RBFOX1: variants seen among roughly 807,000 people sequenced by gnomAD.
RBFOX1 encodes RNA binding protein fox-1 homolog 1.
A neutral mutation model predicts 57.7 loss-of-function variants in RBFOX1; 8 were observed. The observed-to-expected ratio is 0.14, with a 90% CI of 0.08 to 0.25. The LOEUF is 0.25. RBFOX1 is among the 10% of genes least tolerant of loss of function. The pLI is 1.00. For synonymous variants in RBFOX1, 326 were observed against 222.4 expected, an observed-to-expected ratio of 1.47 and a Z score of -4.15; for missense variants, 611 against 548.5, an observed-to-expected ratio of 1.11 and a Z score of -1.14.
intron 3 of RBFOX1, among the ~76,000 whole-genome samples, chr16:6,794,231 T>C (rs2083501852): frequency 6.6e-6 from 1 of 151,620 alleles, no homozygotes; most frequent in Non-Finnish European, 1.5e-5. Context: ...TTAGGTCCTC[T>C]CAGAGCTCTT....
At chr16:5,516,935 C>G (rs2043813461) in intron 2 of RBFOX1, among the ~76,000 whole-genome samples, 1 of 151,830 alleles carries the variant, frequency 6.6e-6, no homozygotes, top group Non-Finnish European at 1.5e-5. Flanking sequence ...TCCCCAGTCT[C>G]AGGTATTTCT....
At chr16:7,115,614 G>C (rs752063716) in intron 4 of RBFOX1, among the ~76,000 whole-genome samples, 1 of 152,186 alleles carries the variant, frequency 6.6e-6, no homozygotes, top group Non-Finnish European at 1.5e-5. Flanking sequence ...CCTCTGGAAA[G>C]GTGTCTTGGG....
At chr16:6,441,156 G>T (rs1038886860) in intron 2 of RBFOX1, among the ~76,000 whole-genome samples, 3 of 152,152 alleles carry the variant, frequency 2.0e-5, no homozygotes, top group African/African-American at 7.2e-5. Flanking sequence ...GCCCTGGGGG[G>T]TGGTGAGTGG....
intron 3 of RBFOX1, among the ~76,000 whole-genome samples, chr16:6,825,646 C>A (rs901105184): frequency 6.6e-6 from 1 of 152,132 alleles, no homozygotes; most frequent in Non-Finnish European, 1.5e-5. Context: ...TTATTCACCG[C>A]TTCACTGCAG....
intron 2 of RBFOX1, among the ~76,000 whole-genome samples, chr16:6,510,794 C>G (rs562331770): frequency 1.3e-5 from 2 of 151,434 alleles, no homozygotes. Flanking sequence ...CAGTACCTGG[C>G]GGACTGCTAA....
intron 1 of RBFOX1, among the ~76,000 whole-genome samples, chr16:6,157,965 G>A (rs1028462101): frequency 1.1e-4 from 17 of 152,178 alleles, no homozygotes; most frequent in African/African-American, 3.9e-4. Context: ...TAATTACTAT[G>A]AGCAGAAAGA....
chr16:5,612,090 C>T (rs960128523), intron 3 of RBFOX1, among the ~76,000 whole-genome samples: 2 of 150,274 alleles, frequency 1.3e-5, no homozygotes, highest in South Asian at 2.1e-4. Flanking sequence ...ACTCTCCCAT[C>T]CATCCCATTC....
intron 3 of RBFOX1, among the ~76,000 whole-genome samples, chr16:5,811,274 C>T (rs974623902): frequency 6.7e-5 from 10 of 148,424 alleles, no homozygotes; most frequent in South Asian, 2.1e-4. Flanking sequence ...GCTGGGATTA[C>T]AGGCACCCGC....
chr16:5,936,870 C>A (rs1597863130), intron 4 of RBFOX1, among the ~76,000 whole-genome samples: 1 of 152,170 alleles, frequency 6.6e-6, no homozygotes, highest in Non-Finnish European at 1.5e-5. Context: ...TATCAAAGAT[C>A]TCACAGAGGG....
At chr16:6,940,777 TG>T (rs2078257519) in intron 3 of RBFOX1, among the ~76,000 whole-genome samples, 2 of 109,248 alleles carry the variant, frequency 1.8e-5, no homozygotes, top group Non-Finnish European at 4.3e-5. Context: ...TGTGTGTGTG[TG>T]TGTGTGTGTG....
At chr16:7,393,888 A>T (rs943825467) in intron 4 of RBFOX1, among the ~76,000 whole-genome samples, 2 of 152,134 alleles carry the variant, frequency 1.3e-5, no homozygotes, top group Non-Finnish European at 2.9e-5. Flanking sequence ...CACCCACGTC[A>T]GCAGGAAGAT....
chr16:6,672,606 A>G (rs1015594238), intron 3 of RBFOX1, among the ~76,000 whole-genome samples: 1 of 152,168 alleles, frequency 6.6e-6, no homozygotes, highest in Non-Finnish European at 1.5e-5. Context: ...TTAAACAAGC[A>G]TATAAGACTA....
At chr16:6,071,114 G>C (rs34241869) in intron 1 of RBFOX1, among the ~76,000 whole-genome samples, 67,954 of 151,948 alleles carry the variant, frequency 0.45, 16,518 homozygotes, top group Non-Finnish European at 0.53. Context: ...CCTGAGCACA[G>C]GAGTTTTCTA....
chr16:6,938,466 C>T (rs922707040), intron 3 of RBFOX1, among the ~76,000 whole-genome samples: 1 of 152,174 alleles, frequency 6.6e-6, no homozygotes, highest in Non-Finnish European at 1.5e-5. Context: ...CATCACTTTT[C>T]TTGTCTGAGA....
At chr16:7,227,768 C>G (rs1603386639) in intron 4 of RBFOX1, among the ~76,000 whole-genome samples, 1 of 152,226 alleles carries the variant, frequency 6.6e-6, no homozygotes, top group African/African-American at 2.4e-5. Flanking sequence ...GAATCTCTCC[C>G]TTCCTGTGGC....
chr16:7,311,159 A>T (rs2096297388), intron 4 of RBFOX1, among the ~76,000 whole-genome samples: 2 of 152,182 alleles, frequency 1.3e-5, no homozygotes, highest in South Asian at 4.1e-4. Flanking sequence ...CATCCCAAGG[A>T]GGGCTTTGAG....
chr16:6,666,158 C>G (rs2098731339), intron 3 of RBFOX1, among the ~76,000 whole-genome samples: 1 of 152,146 alleles, frequency 6.6e-6, no homozygotes, highest in Non-Finnish European at 1.5e-5. Flanking sequence ...GTCTATTAAA[C>G]CTTTCTTTCT....
At position 6,993,154 on chromosome 16, in the gene RBFOX1, T is replaced by C. The variant is rs1025551242; in HGVS notation, c.-15-58903T>C. On this transcript the variant is annotated intron_variant, in intron 3 of 15. Coordinates refer to ENST00000550418, the MANE Select transcript of RBFOX1 (RefSeq NM_018723.4). ...ATGGACTGAACTGTAACACTGACTT[T>C]CTTTTCTTTGTCTCACTTGTCAAAT... Among the ~76,000 whole-genome samples the C allele has an allele frequency of 2.0e-5, 3 of 152,188 alleles. No homozygotes were observed. The South Asian group carries it at 6.2e-4, about 31-fold the overall frequency.
In RBFOX1 at chr16:6,578,612, T is replaced by TGTGTGTGTGTGTGTGTGTGTGG. The variant is rs373655762; in HGVS notation, c.-63-75990_-63-75989insTGTGTGTGTGTGTGTGTGTGGG. On this transcript the variant is annotated intron_variant, in intron 2 of 15. Coordinates refer to ENST00000550418, the MANE Select transcript of RBFOX1 (RefSeq NM_018723.4). The stretch of plus-strand genomic sequence containing the variant: ...TGGTGTGTGTGCGTGTGTGTGTGTG[T>TGTGTGTGTGTGTGTGTGTGTGG]GAGCATGGGAGAAACAGAGGGACAT... 6.8e-3 allele frequency among the ~76,000 whole-genome samples: 995 copies of TGTGTGTGTGTGTGTGTGTGTGG among 147,100 alleles called. 16 individuals carry two copies. Among genetic ancestry groups the TGTGTGTGTGTGTGTGTGTGTGG allele is most frequent in the Admixed American group, 0.011 (154 of 14,554 alleles).
Sources: gnomAD v4.1 joint callset for allele counts (sites outside exome capture counted in the v4.1 genomes callset) on GRCh38, gnomAD v4.1.1 for gene constraint, MANE v1.5 for transcripts, NCBI Gene and HGNC (gene_info 2026-07-23, HGNC 2026-07-21) for gene names.